Variants in MCTP1 observed in about 807,000 individuals in gnomAD.
The protein encoded by MCTP1 is multiple C2 and transmembrane domain containing 1.
MCTP1 carries 69 observed loss-of-function variants against 120.6 expected under a neutral mutation model. That is an observed-to-expected ratio of 0.57 (90% CI 0.47 to 0.70). The LOEUF is 0.70. Ranked by LOEUF, MCTP1 falls within the 30% of genes least tolerant of loss-of-function variation. The pLI is 0.00. For synonymous variants in MCTP1, 529 were observed against 493.1 expected (o/e 1.07, Z -0.96); for missense variants, 1,203 against 1,248.8 (o/e 0.96, Z 0.55).
chr5:94,955,429 C>A (rs888737366), intron 2 of MCTP1, among the ~76,000 whole-genome samples: 2 of 152,154 alleles, frequency 1.3e-5, no homozygotes, highest in Admixed American at 1.3e-4. Flanking sequence ...TGTTCACTCC[C>A]CTGGTAAGGG....
intron 17 of MCTP1, among the ~76,000 whole-genome samples, chr5:94,851,686 TAA>T (rs1265271294): frequency 2.6e-5 from 4 of 151,964 alleles, no homozygotes; most frequent in African/African-American, 4.8e-5. Context: ...GAAATTCAGT[TAA>T]AGAGGTCACA....
At chr5:94,912,463 A>G (rs1420396898) in intron 9 of MCTP1, among the ~76,000 whole-genome samples, 2 of 131,494 alleles carry the variant, frequency 1.5e-5, no homozygotes, top group East Asian at 2.1e-4. Context: ...AAAAAAAAAA[A>G]AAAGCCGCAC....
chr5:94,875,389 G>C lies in MCTP1; in HGVS notation c.1934-2148C>G, dbSNP rs12518627. Among the ~76,000 whole-genome samples the C allele has an allele frequency of 6.6e-5, 10 of 151,684 alleles. No individual in the cohort carries two copies. The East Asian group carries it at 7.7e-4, about 12-fold the overall frequency. The stretch of plus-strand genomic sequence containing the variant: ...AATGTTCTGGGGAGATTGGACAGGT[G>C]GGGGGTTGGAGGGGTGGTAGTAGGT... On this transcript the variant is annotated intron_variant, in intron 12 of 22. Coordinates refer to ENST00000515393, the MANE Select transcript of MCTP1 (RefSeq NM_024717.7).
Position 94,940,096 on chromosome 5 carries a change from C to T in MCTP1, c.1161G>A (p.Glu387=), listed in dbSNP as rs2153502134. The T allele has an allele frequency of 6.3e-7, 1 of 1,599,206 alleles. No individual in the cohort carries two copies. Among genetic ancestry groups the T allele is most frequent in the African/African-American group, 1.3e-5 (1 of 74,592 alleles). The change falls in exon 5 of 23, where the codon GAG becomes GAA. Residue 387 remains glutamate (E), a synonymous_variant. Coordinates refer to ENST00000515393, the MANE Select transcript of MCTP1 (RefSeq NM_024717.7). ...LSVILTPKEG[E]SRDVTMLMRK... is the part of the protein sequence containing the mutation. The stretch of plus-strand genomic sequence containing the variant: ...TGGGGGAACTTACCACATCCCTGGA[C>T]TCTCCTTCTTTAGGGGTAAGGATGA...
chr5:94,780,140 CT>C (rs891691598), intron 18 of MCTP1, among the ~76,000 whole-genome samples: 189 of 146,160 alleles, frequency 1.3e-3, no homozygotes, highest in Middle Eastern at 3.6e-3. Flanking sequence ...ATTCCTGTGT[CT>C]TTTTTTTTTT....
At chr5:94,922,997 C>CAAAAAAAAAAAAAAAA (rs202245253) in intron 7 of MCTP1, among the ~76,000 whole-genome samples, 5 of 99,544 alleles carry the variant, frequency 5.0e-5, no homozygotes, top group Non-Finnish European at 9.9e-5. Flanking sequence ...TAAAAAGCTG[C>CAAAAAAAAAAAAAAAA]AAAAAAAAAA....
intron 1 of MCTP1, among the ~76,000 whole-genome samples, chr5:95,250,253 T>C (rs1259353784): frequency 1.3e-5 from 2 of 152,236 alleles, no homozygotes; most frequent in Non-Finnish European, 2.9e-5. Context: ...TCAAGTTTTC[T>C]GTGTGATTCA....
At position 95,284,372 on chromosome 5, in the gene MCTP1, C is replaced by G. The variant is rs766687641; in HGVS notation, c.204G>C (p.Pro68=). ...TGCTGCCTGCACCACTCCCCCTGGC[C>G]GGTGCATTCCCTGTGCCCACCGGGG... is the stretch of plus-strand genomic sequence containing the variant. The part of the protein sequence containing the change: ...PPPPVGTGNA[P]ARGSGAGSRW... The change falls in exon 1 of 23, where the codon CCG becomes CCC. Residue 68 remains proline, a synonymous_variant. Transcript: ENST00000515393. This position sits in a 1 kb window ranked among gnomAD's most constrained non-coding sequence, Gnocchi z 5.2. The G allele has an allele frequency of 6.3e-7, 1 of 1,595,704 alleles. No individual in the cohort carries two copies. The highest frequency in any genetic ancestry group is 1.1e-5 in the South Asian group (1 of 90,796).
chr5:94,768,922 A>T (rs1189077983), intron 19 of MCTP1, among the ~76,000 whole-genome samples: 1 of 152,166 alleles, frequency 6.6e-6, no homozygotes, highest in Non-Finnish European at 1.5e-5. Context: ...TATTAAAGGG[A>T]TTTCTGAATC....
At chr5:94,856,855 C>T (rs1345260751) in intron 17 of MCTP1, among the ~76,000 whole-genome samples, 2 of 151,672 alleles carry the variant, frequency 1.3e-5, no homozygotes, top group African/African-American at 4.8e-5. Context: ...ATGCAACACT[C>T]TGGGGCTGCC....
chr5:95,132,949 T>C (rs569210200), intron 1 of MCTP1, among the ~76,000 whole-genome samples: 51 of 152,350 alleles, frequency 3.3e-4, no homozygotes, highest in African/African-American at 1.2e-3. Context: ...TCCTCCATGC[T>C]GCACTCACAT....
rs1288805734 is a variant in MCTP1 at position 94,705,267 on chromosome 5, C to T, written c.*2229G>A. 1.3e-5 allele frequency: 2 copies of T among 151,298 alleles called. No homozygotes were observed. Among genetic ancestry groups the T allele is most frequent in the African/African-American group, 4.8e-5 (2 of 41,308 alleles). The allele number at this position is 151,298 out of a possible 1,614,324, so 9.4% of individuals were successfully genotyped here. A position where few individuals can be genotyped will look rare whatever the true frequency, so the allele number is the denominator to read the frequency against. ...TAACTATACATATTCTGTTTTCAGC[C>T]TGTGAATGTAGTAGTTTCTAAAAGC... On this transcript the variant is annotated 3_prime_UTR_variant, in exon 23 of 23. Coordinates refer to ENST00000515393, the MANE Select transcript of MCTP1 (RefSeq NM_024717.7).
In MCTP1 at chr5:95,037,835, A is replaced by T. The variant is rs190130869; in HGVS notation, c.721-20351T>A. Among the ~76,000 whole-genome samples the T allele has an allele frequency of 6.6e-5, 10 of 152,318 alleles. No individual in the cohort carries two copies. In the East Asian group the frequency reaches 1.9e-3, roughly 29 times the overall value. On this transcript the variant is annotated intron_variant, in intron 1 of 22. Coordinates refer to ENST00000515393, the MANE Select transcript of MCTP1 (RefSeq NM_024717.7). ...CAGTGAGCAGAGTTCACGCCATTGC[A>T]CTTTTGGGCAACAAGAGTGAAACTC...
chr5:95,003,868 C>T (rs1203537226), intron 2 of MCTP1, among the ~76,000 whole-genome samples: 1 of 152,124 alleles, frequency 6.6e-6, no homozygotes, highest in African/African-American at 2.4e-5. Context: ...ATTGCTATAA[C>T]AATACCTGAA....
chr5:95,205,687 T>C (rs1751544558), intron 1 of MCTP1, among the ~76,000 whole-genome samples: 1 of 152,060 alleles, frequency 6.6e-6, no homozygotes, highest in Non-Finnish European at 1.5e-5. Context: ...AGCTAAATAA[T>C]GTAAAAACTA....
At chr5:95,209,808 T>G (rs1752111023) in intron 1 of MCTP1, among the ~76,000 whole-genome samples, 1 of 152,218 alleles carries the variant, frequency 6.6e-6, no homozygotes, top group Non-Finnish European at 1.5e-5. Flanking sequence ...TGTGGGCATT[T>G]AGTGCTATAA....
chr5:94,981,415 C>A (rs1829391244), intron 2 of MCTP1, among the ~76,000 whole-genome samples: 1 of 152,180 alleles, frequency 6.6e-6, no homozygotes. Flanking sequence ...TGAATAAATT[C>A]TCCTGCTAGT....
intron 17 of MCTP1, among the ~76,000 whole-genome samples, chr5:94,828,794 C>G (rs1787830187): frequency 6.6e-6 from 1 of 152,138 alleles, no homozygotes; most frequent in Admixed American, 6.5e-5. Context: ...GTGTCCCTCC[C>G]CATCACTAAG....
chr5:95,191,569 T>C (rs958314307), intron 1 of MCTP1, among the ~76,000 whole-genome samples: 1 of 152,034 alleles, frequency 6.6e-6, no homozygotes, highest in Non-Finnish European at 1.5e-5. Context: ...CTCTCATGAC[T>C]CTCAGTTATA....
Sources: allele counts gnomAD v4.1 joint callset (sites outside exome capture counted in the v4.1 genomes callset), GRCh38; gene constraint gnomAD v4.1.1; non-coding constraint Gnocchi (gnomAD v3.1); transcripts MANE v1.5; gene names NCBI Gene and HGNC (gene_info 2026-07-23, HGNC 2026-07-21).